PSD3: variants seen among roughly 807,000 people sequenced by gnomAD.
PSD3 encodes pleckstrin and Sec7 domain containing 3, also known as PH and SEC7 domain-containing protein 3.
In PSD3, 49 loss-of-function variants were observed where a neutral mutation model predicts 105.5. The ratio of observed to expected loss-of-function variants is 0.46; its 90% confidence interval spans 0.37 to 0.59. PSD3 has a LOEUF of 0.59. PSD3 is among the 20% of genes least tolerant of loss of function. PSD3 has a pLI of 0.00. For missense variants in PSD3, 1,561 were observed against 1,263.8 expected, an observed-to-expected ratio of 1.24 and a Z score of -3.57; for synonymous variants, 557 against 457.8, an observed-to-expected ratio of 1.22 and a Z score of -2.77.
In PSD3 at chr8:18,643,260, C is replaced by A. The variant is rs114112637; in HGVS notation, c.2217-10454G>T. Among the ~76,000 whole-genome samples the A allele has an allele frequency of 7.5e-3, 1,139 of 152,286 alleles. 16 individuals are homozygous for A. Among genetic ancestry groups the A allele is most frequent in the African/African-American group, 0.026 (1,091 of 41,562 alleles). On this transcript the variant is annotated intron_variant, in intron 10 of 15. Transcript: ENST00000327040. Reference sequence around the variant, plus strand: ...TATAAGAAACCCACTCCTGCAGTAACAACCTTAATCCACTCATAGCCCTCA... The same window carrying A: ...TATAAGAAACCCACTCCTGCAGTAAAAACCTTAATCCACTCATAGCCCTCA...
chr8:18,777,878 C>T (rs908547295), intron 8 of PSD3, among the ~76,000 whole-genome samples: 1 of 152,154 alleles, frequency 6.6e-6, no homozygotes, highest in African/African-American at 2.4e-5. Flanking sequence ...TAAACTCCCT[C>T]ATGAGGGAGA....
chr8:18,746,513 G>T (rs1300302641), intron 9 of PSD3, among the ~76,000 whole-genome samples: 1 of 151,952 alleles, frequency 6.6e-6, no homozygotes, highest in East Asian at 1.9e-4. Context: ...GGAGGTCCAG[G>T]GGGGGTGTTG....
At chr8:18,772,955 G>T (rs1450383888) in intron 8 of PSD3, among the ~76,000 whole-genome samples, 1 of 152,134 alleles carries the variant, frequency 6.6e-6, no homozygotes. Flanking sequence ...TATATGATTT[G>T]TAAATATTTT....
rs962931376 is a variant in PSD3 at position 18,717,953 on chromosome 8, T to C, written c.2172+47496A>G. 3.9e-5 allele frequency among the ~76,000 whole-genome samples: 6 copies of C among 152,332 alleles called. No individual in the cohort carries two copies. In the East Asian group the frequency reaches 1.2e-3, roughly 29 times the overall value. ...AATGCTGAAGCTGGCTCAGTGGGAC[T>C]GGTGATGGCCAGCTTCCAAGACGGC... On this transcript the variant is annotated intron_variant, in intron 9 of 15. Coordinates refer to ENST00000327040, the MANE Select transcript of PSD3 (RefSeq NM_015310.4).
Position 18,535,910 on chromosome 8 carries a change from C to G in PSD3, c.2977G>C (p.Glu993Gln). Residue 993 changes from glutamate (E) to glutamine (Q), a missense_variant, in exon 16 of 16, where the codon GAG becomes CAG. By Grantham distance (29) the Glu-to-Gln change is conservative. Transcript: ENST00000327040. Reference protein sequence around the residue: ...YVSILKEGGKELLSNDESEAA... With the variant: ...YVSILKEGGKQLLSNDESEAA... ...TCGCTTTCATCGTTACTCAGTAGCT[C>G]TTTGCCTCCTTCCTTGAGAATGCTG... 2 of 1,614,204 alleles carry G rather than the reference C, an allele frequency of 1.2e-6. No homozygotes were observed. The highest frequency in any genetic ancestry group is 1.7e-6 in the Non-Finnish European group (2 of 1,180,038).
At chr8:19,068,297 T>C (rs1829143256) in intron 1 of PSD3, among the ~76,000 whole-genome samples, 1 of 151,888 alleles carries the variant, frequency 6.6e-6, no homozygotes, top group Non-Finnish European at 1.5e-5. Context: ...CTCTTTTTTT[T>C]TTTTTCTTTT....
chr8:18,602,583 A>C (rs1804513546), intron 11 of PSD3, among the ~76,000 whole-genome samples: 1 of 152,184 alleles, frequency 6.6e-6, no homozygotes, highest in Non-Finnish European at 1.5e-5. Flanking sequence ...CTATAAAAGC[A>C]CTGCTCTAAG....
intron 12 of PSD3, among the ~76,000 whole-genome samples, chr8:18,590,636 T>C (rs1803529784): frequency 6.6e-6 from 1 of 151,848 alleles, no homozygotes; most frequent in African/African-American, 2.4e-5. Context: ...CTTAAGAAAA[T>C]AAAAGAGATA....
At chr8:18,615,979 G>A (rs1805630038) in intron 11 of PSD3, among the ~76,000 whole-genome samples, 1 of 152,190 alleles carries the variant, frequency 6.6e-6, no homozygotes, top group African/African-American at 2.4e-5. Flanking sequence ...ACTCAAAGTG[G>A]CTGATGAGCA....
At chr8:19,031,287 C>T (rs1827761307) in intron 1 of PSD3, among the ~76,000 whole-genome samples, 1 of 152,134 alleles carries the variant, frequency 6.6e-6, no homozygotes, top group Admixed American at 6.5e-5. Flanking sequence ...CTTCCGTTGA[C>T]TAATACCTAG....
intron 9 of PSD3, among the ~76,000 whole-genome samples, chr8:18,750,696 T>C (rs1805406950): frequency 6.6e-6 from 1 of 151,954 alleles, no homozygotes; most frequent in South Asian, 2.1e-4. Flanking sequence ...CGCTGAGTGG[T>C]GCGTTTACAA....
rs143284187 is a variant in PSD3, at chr8:18,866,320, C to G, written c.1634+1354G>C. Among the ~76,000 whole-genome samples the G allele has an allele frequency of 1.6e-3, 251 of 152,302 alleles. 3 individuals carry two copies. Among genetic ancestry groups the G allele is most frequent in the Non-Finnish European group, 3.4e-4 (23 of 68,022 alleles). On this transcript the variant is annotated intron_variant, in intron 4 of 15. Coordinates refer to ENST00000327040, the MANE Select transcript of PSD3 (RefSeq NM_015310.4). ...CTTCCACTGAGAGACACTCTGATCT[C>G]AGAGATACAAGAAGTCTAGATGTGG...
intron 1 of PSD3, among the ~76,000 whole-genome samples, chr8:18,949,220 T>C (rs1479810263): frequency 3.9e-4 from 2 of 5,160 alleles, no homozygotes; most frequent in African/African-American, 9.7e-4. Flanking sequence ...AGACTCTGTC[T>C]CAAAAAAAAA....
intron 2 of PSD3, among the ~76,000 whole-genome samples, chr8:18,892,888 G>A (rs1818903232): frequency 6.6e-6 from 1 of 152,106 alleles, no homozygotes; most frequent in African/African-American, 2.4e-5. Flanking sequence ...GCCTCCCACA[G>A]TGCTGGGATT....
chr8:18,602,369 C>T (rs779912494), intron 11 of PSD3, among the ~76,000 whole-genome samples: 3 of 152,034 alleles, frequency 2.0e-5, no homozygotes, highest in African/African-American at 4.8e-5. Context: ...GTGACTAATG[C>T]CCACTAAGTC....
intron 15 of PSD3, among the ~76,000 whole-genome samples, chr8:18,555,126 T>G (rs1455424203): frequency 6.6e-6 from 1 of 151,780 alleles, no homozygotes; most frequent in Non-Finnish European, 1.5e-5. Flanking sequence ...GTCATCTGGG[T>G]TGAACCTCAG....
At chr8:18,567,898 G>C (rs1444631082) in intron 14 of PSD3, among the ~76,000 whole-genome samples, 2 of 152,232 alleles carry the variant, frequency 1.3e-5, no homozygotes, top group African/African-American at 2.4e-5. Flanking sequence ...GGTAAGAGGT[G>C]TTTGCGTTAT....
chr8:18,810,692 G>A (rs907637507), intron 4 of PSD3, among the ~76,000 whole-genome samples: 14 of 152,152 alleles, frequency 9.2e-5, no homozygotes, highest in African/African-American at 3.4e-4. Flanking sequence ...CCACCTAGTC[G>A]AGTTGAATTT....
intron 2 of PSD3, among the ~76,000 whole-genome samples, chr8:18,928,689 TTTC>T (rs1342874140): frequency 6.6e-6 from 1 of 152,104 alleles, no homozygotes. Context: ...CCTTCCTTTT[TTTC>T]TTTTTATCTT....
Sources: gnomAD v4.1 joint callset for allele counts (sites outside exome capture counted in the v4.1 genomes callset) on GRCh38, gnomAD v4.1.1 for gene constraint, MANE v1.5 for transcripts, NCBI Gene and HGNC (gene_info 2026-07-23, HGNC 2026-07-21) for gene names.